The following ZBTB20 variants were observed in gnomAD, a reference collection of about 807,000 sequenced individuals.
The protein encoded by ZBTB20 is zinc finger and BTB domain containing 20.
A neutral mutation model predicts 56.9 loss-of-function variants in ZBTB20; 9 were observed. The ratio of observed to expected loss-of-function variants is 0.16; its 90% confidence interval spans 0.10 to 0.28. The LOEUF (loss-of-function observed/expected upper bound fraction) is 0.28. Ranked by LOEUF, ZBTB20 falls within the 10% of genes least tolerant of loss-of-function variation. The probability of loss-of-function intolerance (pLI) is 1.00; values close to 1 mark genes in which losing one functional copy is unlikely to be tolerated. For synonymous variants in ZBTB20, 417 were observed against 420.7 expected (o/e 0.99, Z 0.11); for missense variants, 655 against 1,003.0 (o/e 0.65, Z 4.69).
chr3:114,792,413 T>C (rs889534786), intron 5 of ZBTB20, among the ~76,000 whole-genome samples: 5 of 152,148 alleles, frequency 3.3e-5, no homozygotes, highest in African/African-American at 1.2e-4. Flanking sequence ...AAGATTTCAA[T>C]GGACTGCTAA....
At chr3:114,388,852 T>A (rs1256739579) in intron 8 of ZBTB20, 153 bp downstream of exon 8, 1 of 152,292 alleles carries the variant, frequency 6.6e-6, no homozygotes, top group Non-Finnish European at 1.5e-5. Flanking sequence ...TGAGAACCGC[T>A]GTGGGCACCT....
chr3:114,964,448 A>G (rs990715706), intron 3 of ZBTB20, among the ~76,000 whole-genome samples: 9 of 152,052 alleles, frequency 5.9e-5, no homozygotes, highest in Non-Finnish European at 1.3e-4. Flanking sequence ...CCCAAAAAAC[A>G]CTATGCTACA....
At chr3:114,482,206 A>G (rs1266552777) in intron 7 of ZBTB20, among the ~76,000 whole-genome samples, 1 of 152,170 alleles carries the variant, frequency 6.6e-6, no homozygotes, top group African/African-American at 2.4e-5. Context: ...GAGGCCTTGG[A>G]GCTGGGACAA....
intron 7 of ZBTB20, among the ~76,000 whole-genome samples, chr3:114,439,220 A>T (rs1009199926): frequency 8.6e-5 from 13 of 150,388 alleles, no homozygotes; most frequent in Non-Finnish European, 1.8e-4. Flanking sequence ...AGTCACTAAA[A>T]AGAAGCTGAG....
At chr3:115,002,713 T>A (rs1004327187) in intron 2 of ZBTB20, among the ~76,000 whole-genome samples, 1 of 151,558 alleles carries the variant, frequency 6.6e-6, no homozygotes, top group African/African-American at 2.4e-5. Flanking sequence ...TGTGGAGAAA[T>A]ACAAACTCTC....
At chr3:114,875,661 G>A (rs1367323638) in intron 4 of ZBTB20, among the ~76,000 whole-genome samples, 1 of 152,092 alleles carries the variant, frequency 6.6e-6, no homozygotes, top group East Asian at 1.9e-4. Flanking sequence ...GTGACAATGA[G>A]GCATGTGGAA....
At chr3:114,705,105 C>G (rs541453749) in intron 5 of ZBTB20, among the ~76,000 whole-genome samples, 1 of 152,096 alleles carries the variant, frequency 6.6e-6, no homozygotes, top group African/African-American at 2.4e-5. Flanking sequence ...AGGAAAAGGG[C>G]TGAGCTCCCA....
At chr3:114,889,356 T>A (rs577017913) in intron 4 of ZBTB20, among the ~76,000 whole-genome samples, 4 of 152,082 alleles carry the variant, frequency 2.6e-5, no homozygotes, top group Non-Finnish European at 5.9e-5. Context: ...TGTGCATTAA[T>A]TACTATTAGT....
chr3:114,930,844 G>A, intron 3 of ZBTB20: 1 of 284,966 alleles, frequency 3.5e-6, no homozygotes, highest in African/African-American at 2.3e-5. Context: ...TGATGATGTT[G>A]CAGCAGAAAA....
At chr3:114,951,560 G>C (rs2077068321) in intron 3 of ZBTB20, among the ~76,000 whole-genome samples, 1 of 152,016 alleles carries the variant, frequency 6.6e-6, no homozygotes, top group Admixed American at 6.6e-5. Context: ...TATACACACA[G>C]GACAGACCTG....
chr3:114,362,770 T>G (rs1241264382), intron 10 of ZBTB20, among the ~76,000 whole-genome samples: 3 of 152,168 alleles, frequency 2.0e-5, no homozygotes, highest in African/African-American at 7.2e-5. Context: ...TAAGCCATAC[T>G]TTGTAATAAA....
chr3:114,644,806 T>C (rs2059752874), intron 6 of ZBTB20, among the ~76,000 whole-genome samples: 3 of 152,118 alleles, frequency 2.0e-5, no homozygotes, highest in Admixed American at 6.5e-5. Context: ...GAAATTTTAA[T>C]AAAGATGGAA....
chr3:114,820,655 C>T (rs998625837), intron 4 of ZBTB20, among the ~76,000 whole-genome samples: 3 of 152,054 alleles, frequency 2.0e-5, no homozygotes, highest in Non-Finnish European at 4.4e-5. Flanking sequence ...ATAAAAATCA[C>T]TTTCATATAC....
chr3:114,809,691 C>CT (rs969864164), intron 4 of ZBTB20, among the ~76,000 whole-genome samples: 7 of 151,432 alleles, frequency 4.6e-5, no homozygotes, highest in African/African-American at 7.3e-5. Flanking sequence ...AATATAATTT[C>CT]TTTTTTTTTC....
intron 1 of ZBTB20, among the ~76,000 whole-genome samples, chr3:115,094,209 T>A (rs1327720824): frequency 2.6e-5 from 4 of 151,904 alleles, no homozygotes; most frequent in African/African-American, 4.8e-5. Context: ...TACCTAAAGC[T>A]AAGGTAATAG....
intron 5 of ZBTB20, among the ~76,000 whole-genome samples, chr3:114,740,575 G>A (rs1339089547): frequency 1.3e-5 from 2 of 152,168 alleles, no homozygotes; most frequent in Non-Finnish European, 2.9e-5. Context: ...GACAGTGGGT[G>A]GTAGAGGAGA....
chr3:115,076,918 C>T (rs1394095752), intron 1 of ZBTB20, among the ~76,000 whole-genome samples: 1 of 152,176 alleles, frequency 6.6e-6, no homozygotes, highest in Non-Finnish European at 1.5e-5. Context: ...AAGAAGTCCA[C>T]AATCTAGATC....
chr3:114,338,945 T>A lies in ZBTB20; in HGVS notation c.*60A>T. 5 of 1,445,918 alleles carry A rather than the reference T, an allele frequency of 3.5e-6. No individual in the cohort carries two copies. Among genetic ancestry groups the A allele is most frequent in the Non-Finnish European group, 3.7e-6 (4 of 1,091,014 alleles). 89.6% of individuals were successfully genotyped at this position (1,445,918 alleles called of 1,614,324 possible). A position where few individuals can be genotyped will look rare whatever the true frequency, so the allele number is the denominator to read the frequency against. The stretch of plus-strand genomic sequence containing the variant: ...TTAAATTCTAGTGCCATAGCTTTTT[T>A]GTTTGTTTGTTTTTTGTTGTTGTTT... On this transcript the variant is annotated 3_prime_UTR_variant, in exon 12 of 12. Transcript: ENST00000675478.
intron 2 of ZBTB20, among the ~76,000 whole-genome samples, chr3:115,007,380 G>C (rs1408638204): frequency 1.3e-5 from 2 of 151,618 alleles, no homozygotes; most frequent in South Asian, 2.1e-4. Context: ...AGAAATTAGA[G>C]AATATTTTAA....
Sources: allele counts gnomAD v4.1 joint callset (sites outside exome capture counted in the v4.1 genomes callset), GRCh38; gene constraint gnomAD v4.1.1; transcripts MANE v1.5; gene names NCBI Gene and HGNC (gene_info 2026-07-23, HGNC 2026-07-21).